Variants in SUCLG2 observed in about 807,000 individuals in gnomAD.
SUCLG2 encodes succinate--CoA ligase [GDP-forming] subunit beta, mitochondrial.
SUCLG2 carries 42 observed loss-of-function variants against 47.9 expected under a neutral mutation model. The ratio of observed to expected loss-of-function variants is 0.88; its 90% CI spans 0.69 to 1.14. The LOEUF (loss-of-function observed/expected upper bound fraction) is 1.14, where lower values mean the gene tolerates loss of function less well. Among genes scored for constraint, SUCLG2 ranks in the 50% most tolerant of loss-of-function variants. The pLI is 0.00. For missense variants in SUCLG2, 571 were observed against 525.9 expected, an observed-to-expected ratio of 1.09 and a Z score of -0.84; for synonymous variants, 195 against 197.3, an observed-to-expected ratio of 0.99 and a Z score of 0.10.
intron 9 of SUCLG2, among the ~76,000 whole-genome samples, chr3:67,476,027 G>A (rs1192636589): frequency 1.4e-5 from 2 of 144,912 alleles, no homozygotes; most frequent in South Asian, 2.2e-4. Flanking sequence ...AGCTAATTTT[G>A]CCTATCAATT....
chr3:67,400,286 T>C lies in SUCLG2; in HGVS notation c.1183+445A>G, dbSNP rs1384715745. Among the ~76,000 whole-genome samples the C allele has an allele frequency of 3.3e-5, 5 of 151,994 alleles. No individual in the cohort carries two copies. The South Asian group carries it at 1.0e-3, about 31-fold the overall frequency. On this transcript the variant is annotated intron_variant, in intron 10 of 10. Transcript: ENST00000307227. The stretch of plus-strand genomic sequence containing the variant: ...TACCATAAAATATACAAATTATTTT[T>C]TAAGAGTTATTTTTTAAATTCCAAG...
intron 10 of SUCLG2, among the ~76,000 whole-genome samples, chr3:67,364,763 G>A (rs927514353): frequency 2.6e-5 from 4 of 152,062 alleles, no homozygotes; most frequent in South Asian, 4.1e-4. Context: ...AGTTTCAATC[G>A]AGTAACATGC....
chr3:67,547,491 G>A (rs978033682), intron 2 of SUCLG2, among the ~76,000 whole-genome samples: 1 of 152,094 alleles, frequency 6.6e-6, no homozygotes, highest in Non-Finnish European at 1.5e-5. Flanking sequence ...TCAAGCACTG[G>A]TGCCCTTAAA....
intron 2 of SUCLG2, among the ~76,000 whole-genome samples, chr3:67,608,411 A>G (rs963871133): frequency 3.9e-4 from 59 of 152,094 alleles, no homozygotes; most frequent in Non-Finnish European, 5.6e-4. Flanking sequence ...TCCTAAATTG[A>G]TGTTTTTTGC....
intron 2 of SUCLG2, among the ~76,000 whole-genome samples, chr3:67,568,749 T>TGGTAGCGGGCGC (rs1435319515): frequency 6.6e-6 from 1 of 151,962 alleles, no homozygotes; most frequent in African/African-American, 2.4e-5. Context: ...TAGCCGGGCG[T>TGGTAGCGGGCGC]GGTAGCGGGC....
At chr3:67,495,635 G>T (rs1705313969) in intron 9 of SUCLG2, among the ~76,000 whole-genome samples, 163 bp downstream of exon 9, 1 of 141,462 alleles carries the variant, frequency 7.1e-6, no homozygotes, top group Non-Finnish European at 1.5e-5. Flanking sequence ...CTGGGCAACG[G>T]AGTAAGACTC....
chr3:67,574,782 C>G (rs934026349), intron 2 of SUCLG2, among the ~76,000 whole-genome samples: 2 of 152,170 alleles, frequency 1.3e-5, no homozygotes, highest in African/African-American at 4.8e-5. Context: ...AAGCAACACA[C>G]TGGGAAAAAG....
At chr3:67,499,054 A>C (rs1346843734) in intron 7 of SUCLG2, among the ~76,000 whole-genome samples, 1 of 152,222 alleles carries the variant, frequency 6.6e-6, no homozygotes, top group African/African-American at 2.4e-5. Flanking sequence ...CCTGGAACCG[A>C]TTCCCTGCAT....
At chr3:67,534,582 G>C (rs1419400810) in intron 2 of SUCLG2, among the ~76,000 whole-genome samples, 2 of 151,250 alleles carry the variant, frequency 1.3e-5, no homozygotes, top group African/African-American at 4.8e-5. Flanking sequence ...ATTTTTAAAG[G>C]TAAATAAAAA....
intron 10 of SUCLG2, among the ~76,000 whole-genome samples, chr3:67,388,537 A>T (rs980624305): frequency 3.9e-5 from 6 of 152,236 alleles, no homozygotes; most frequent in Non-Finnish European, 8.8e-5. Context: ...ACCATGCCTA[A>T]TAAAGGGAAG....
rs549760483 is a variant in SUCLG2, at chr3:67,386,971, G to C, written c.1184-11112C>G. Among the ~76,000 whole-genome samples the C allele has an allele frequency of 1.4e-3, 217 of 152,248 alleles. 2 individuals carry two copies. Among genetic ancestry groups the C allele is most frequent in the Non-Finnish European group, 1.9e-3 (127 of 68,002 alleles). On this transcript the variant is annotated intron_variant, in intron 10 of 10. Transcript: ENST00000307227. ...GTAGCCTGTGTTGTTCTCTGTGCTT[G>C]CCTCTCTCTTTGTATCTCTTTCTTC...
Position 67,502,171 on chromosome 3 carries a change from C to T in SUCLG2, c.758-3876G>A, listed in dbSNP as rs975534897. Among the ~76,000 whole-genome samples, 10 of 152,278 alleles carry T rather than the reference C, an allele frequency of 6.6e-5. No individual in the cohort carries two copies. The East Asian group carries it at 1.7e-3, about 27-fold the overall frequency. On this transcript the variant is annotated intron_variant, in intron 7 of 10. Transcript: ENST00000307227. ...AGATGGTAAAAGAATTGAATTGAAT[C>T]ATAGGATACCTAGCTAGTGTCAGAG...
At chr3:67,407,335 T>C (rs1702836916) in intron 9 of SUCLG2, among the ~76,000 whole-genome samples, 1 of 152,204 alleles carries the variant, frequency 6.6e-6, no homozygotes, top group South Asian at 2.1e-4. Flanking sequence ...TTTCAGACAT[T>C]ACGTTGTCTT....
At chr3:67,508,331 T>C (rs761577149) in intron 7 of SUCLG2, among the ~76,000 whole-genome samples, 10 of 152,176 alleles carry the variant, frequency 6.6e-5, no homozygotes, top group Non-Finnish European at 1.3e-4. Flanking sequence ...GTGGCTCCCA[T>C]TTCTACACAA....
intron 9 of SUCLG2, among the ~76,000 whole-genome samples, chr3:67,446,427 T>G (rs1379458177): frequency 1.4e-4 from 12 of 88,728 alleles, no homozygotes; most frequent in African/African-American, 2.7e-4. Context: ...ATTTTTTTTT[T>G]TTTTTTTTTT....
chr3:67,592,718 C>CAAAAAAAAAAAAAAAAAAA (rs754866312), intron 2 of SUCLG2, among the ~76,000 whole-genome samples: 1 of 80,264 alleles, frequency 1.2e-5, no homozygotes, highest in African/African-American at 6.0e-5. Flanking sequence ...TCACATCCTC[C>CAAAAAAAAAAAAAAAAAAA]AAAAAAAAAA....
chr3:67,571,173 C>T (rs1427074318), intron 2 of SUCLG2, among the ~76,000 whole-genome samples: 2 of 152,090 alleles, frequency 1.3e-5, no homozygotes, highest in Non-Finnish European at 2.9e-5. Flanking sequence ...AATTTTGCCC[C>T]CCACAGAAGA....
intron 2 of SUCLG2, among the ~76,000 whole-genome samples, chr3:67,530,582 A>T (rs911475419): frequency 1.3e-5 from 2 of 152,170 alleles, no homozygotes; most frequent in African/African-American, 4.8e-5. Context: ...GGAGCTACAG[A>T]AGTATTTTAC....
chr3:67,581,106 T>C (rs1198117977), intron 2 of SUCLG2, among the ~76,000 whole-genome samples: 1 of 152,206 alleles, frequency 6.6e-6, no homozygotes, highest in Non-Finnish European at 1.5e-5. Context: ...TCCAGTCACT[T>C]TTCTAATAAA....
Sources: gnomAD v4.1 joint callset for allele counts (sites outside exome capture counted in the v4.1 genomes callset) on GRCh38, gnomAD v4.1.1 for gene constraint, MANE v1.5 for transcripts, NCBI Gene and HGNC (gene_info 2026-07-23, HGNC 2026-07-21) for gene names.